The following PPIP5K2 variants were observed in gnomAD, a reference collection of about 807,000 sequenced individuals.
PPIP5K2 encodes the protein inositol hexakisphosphate and diphosphoinositol-pentakisphosphate kinase 2.
Under a neutral mutation model 154.6 loss-of-function variants are expected in PPIP5K2, and 105 were observed. That is an observed-to-expected ratio of 0.68 (90% CI 0.58 to 0.80). PPIP5K2 has a LOEUF of 0.80. Ranked by LOEUF, PPIP5K2 falls within the 30% of genes least tolerant of loss-of-function variation. The pLI is 0.00. For missense variants in PPIP5K2, 992 were observed against 1,504.6 expected (o/e 0.66, Z 5.64); for synonymous variants, 480 against 490.3 (o/e 0.98, Z 0.28).
At chr5:103,137,564 A>C (rs1554204830) in intron 4 of PPIP5K2, among the ~76,000 whole-genome samples, 1 of 152,182 alleles carries the variant, frequency 6.6e-6, no homozygotes, top group African/African-American at 2.4e-5. Flanking sequence ...ATTTCTAATA[A>C]ATTATAAAAT....
chr5:103,137,895 C>A (rs1554204967), intron 4 of PPIP5K2, among the ~76,000 whole-genome samples: 1 of 147,338 alleles, frequency 6.8e-6, no homozygotes, highest in African/African-American at 2.5e-5. Flanking sequence ...TAAAAGCGTA[C>A]CGAAAGCCAT....
intron 8 of PPIP5K2, among the ~76,000 whole-genome samples, chr5:103,150,794 A>G (rs1794513460): frequency 6.7e-6 from 1 of 150,298 alleles, no homozygotes; most frequent in Admixed American, 6.6e-5. Flanking sequence ...ACAGATCACA[A>G]GATTTCCTCT....
intron 24 of PPIP5K2, among the ~76,000 whole-genome samples, chr5:103,182,753 A>G (rs1799741409): frequency 6.6e-6 from 1 of 152,110 alleles, no homozygotes; most frequent in Non-Finnish European, 1.5e-5. Flanking sequence ...TAGTTTTCTA[A>G]GTTATGTATA....
chr5:103,185,463 A>G (rs1041132892), intron 26 of PPIP5K2, among the ~76,000 whole-genome samples: 5 of 152,144 alleles, frequency 3.3e-5, no homozygotes, highest in African/African-American at 1.2e-4. Context: ...TGATACCTAC[A>G]TACTTGAGGA....
At chr5:103,173,422 A>G in intron 20 of PPIP5K2, 140 bp downstream of exon 20, 2 of 1,067,292 alleles carry the variant, frequency 1.9e-6, no homozygotes, top group Non-Finnish European at 1.3e-6. Flanking sequence ...AGGTATTTCT[A>G]TTAAGTTCCA....
Position 103,133,291 on chromosome 5 carries a change from A to T in PPIP5K2, c.115-162A>T, listed in dbSNP as rs1198490066. 4.6e-5 allele frequency among the ~76,000 whole-genome samples: 7 copies of T among 152,202 alleles called. No homozygotes were observed. The East Asian group carries it at 1.3e-3, about 29-fold the overall frequency. On this transcript the variant is annotated intron_variant, in intron 2 of 30. Coordinates refer to ENST00000358359, the MANE Select transcript of PPIP5K2 (RefSeq NM_001276277.3). Reference sequence around the variant, plus strand: ...GTAGAAAACTGTTTTTTAAATGTTTATTATAACAATGATATAATTTTTAAA... The same window carrying T: ...GTAGAAAACTGTTTTTTAAATGTTTTTTATAACAATGATATAATTTTTAAA...
rs1216106350 is a variant in PPIP5K2, at chr5:103,211,060, A to C, written c.*9426A>C. 6.6e-6 allele frequency: 1 copy of C among 152,108 alleles called. No individual in the cohort carries two copies. The highest frequency in any genetic ancestry group is 6.6e-5 in the Admixed American group (1 of 15,256). The allele number at this position is 152,108 out of a possible 1,614,324, so 9.4% of individuals were successfully genotyped here. ...AGGATGTGTTTCGTGTTCCCACTGC[A>C]TATGCATTATTACCCTTGTCTGAGT... On this transcript the variant is annotated 3_prime_UTR_variant, in exon 31 of 31. Coordinates refer to ENST00000358359, the MANE Select transcript of PPIP5K2 (RefSeq NM_001276277.3).
chr5:103,183,297 G>T lies in PPIP5K2; in HGVS notation c.2986G>T (p.Gly996Cys). The T allele has an allele frequency of 6.3e-7, 1 of 1,596,328 alleles. No individual in the cohort carries two copies. Among genetic ancestry groups the T allele is most frequent in the Non-Finnish European group, 8.5e-7 (1 of 1,174,176 alleles). ...TGGTACCTGGCTGCATTATACCAGT[G>T]GTGTGGGTACTGGGCGTCGAAGACG... ...GTGTWLHYTS[G>C]VGTGRRRRRS... Residue 996 changes from glycine (G) to cysteine (C), a missense_variant, in exon 25 of 31, where the codon GGT becomes TGT. Gly to Cys is a radical substitution (Grantham distance 159). Coordinates refer to ENST00000358359, the MANE Select transcript of PPIP5K2 (RefSeq NM_001276277.3).
chr5:103,133,598 C>A lies in PPIP5K2; in HGVS notation c.260C>A (p.Pro87Gln), dbSNP rs367619357. ...VFEEEVILNE[P>Q]VENWPLCDCL... The stretch of plus-strand genomic sequence containing the variant: ...GAAGAGGAGGTTATTTTGAATGAAC[C>A]AGTGGAAAACTGGCCTTTATGTGAT... Residue 87 changes from proline to glutamine, a missense_variant, in exon 3 of 31, where the codon CCA becomes CAA. Pro to Gln is a moderately conservative substitution (Grantham distance 76). Coordinates refer to ENST00000358359, the MANE Select transcript of PPIP5K2 (RefSeq NM_001276277.3). 2 of 1,611,354 alleles carry A rather than the reference C, an allele frequency of 1.2e-6. No individual in the cohort carries two copies. Among genetic ancestry groups the A allele is most frequent in the East Asian group, 4.5e-5 (2 of 44,664 alleles).
chr5:103,179,610 A>G (rs1554221945), intron 23 of PPIP5K2, among the ~76,000 whole-genome samples: 4 of 152,120 alleles, frequency 2.6e-5, no homozygotes, highest in Non-Finnish European at 5.9e-5. Context: ...AAATATTCTA[A>G]AATATATAAA....
chr5:103,155,532 G>A (rs1373779059), intron 13 of PPIP5K2, among the ~76,000 whole-genome samples: 2 of 139,172 alleles, frequency 1.4e-5, no homozygotes, highest in Non-Finnish European at 3.0e-5. Flanking sequence ...AGTTCAAGCA[G>A]TTCTCATGCC....
At chr5:103,176,585 G>A (rs1798748727) in intron 21 of PPIP5K2, among the ~76,000 whole-genome samples, 1 of 151,808 alleles carries the variant, frequency 6.6e-6, no homozygotes, top group Admixed American at 6.6e-5. Flanking sequence ...TTTAAAACAA[G>A]GTGCATTCTG....
rs782552805 is a variant in PPIP5K2 at position 103,128,812 on chromosome 5, A to G, written c.-284-494A>G. Reference sequence around the variant, plus strand: ...TTTTTGTTCATTTATGTATGAGACCAGAATATAGAATTGTTATGTTCCCTA... The same window carrying G: ...TTTTTGTTCATTTATGTATGAGACCGGAATATAGAATTGTTATGTTCCCTA... On this transcript the variant is annotated intron_variant, in intron 1 of 30. Coordinates refer to ENST00000358359, the MANE Select transcript of PPIP5K2 (RefSeq NM_001276277.3). 3.9e-5 allele frequency among the ~76,000 whole-genome samples: 6 copies of G among 152,316 alleles called. No homozygotes were observed. The East Asian group carries it at 7.7e-4, about 20-fold the overall frequency.
At chr5:103,149,999 C>T (rs1794378568) in intron 8 of PPIP5K2, among the ~76,000 whole-genome samples, 1 of 151,872 alleles carries the variant, frequency 6.6e-6, no homozygotes, top group South Asian at 2.1e-4. Flanking sequence ...CCGGCCAAAA[C>T]CATTTCTTGA....
chr5:103,177,962 T>C lies in PPIP5K2; in HGVS notation c.2736T>C (p.Tyr912=). ...EDKNLPSGYG[Y]RPASRENEGR... Reference sequence around the variant, plus strand: ...AAAATTTGCCATCTGGCTATGGATATAGACCAGCTTCCAGAGAGGTAATGA... The same window carrying C: ...AAAATTTGCCATCTGGCTATGGATACAGACCAGCTTCCAGAGAGGTAATGA... Residue 912 remains tyrosine (Y), a synonymous_variant, in exon 23 of 31, where the codon TAT becomes TAC. Coordinates refer to ENST00000358359, the MANE Select transcript of PPIP5K2 (RefSeq NM_001276277.3). 1 of 1,602,142 alleles carries C rather than the reference T, an allele frequency of 6.2e-7. No homozygotes were observed. Among genetic ancestry groups the C allele is most frequent in the African/African-American group, 1.3e-5 (1 of 74,716 alleles).
At chr5:103,123,960 T>C (rs982534389) in intron 1 of PPIP5K2, among the ~76,000 whole-genome samples, 1 of 152,178 alleles carries the variant, frequency 6.6e-6, no homozygotes, top group Admixed American at 6.5e-5. Context: ...CCATTTTGAA[T>C]GTCCTGCATC....
In PPIP5K2 at chr5:103,167,233, C is replaced by T; in HGVS notation, c.1975C>T (p.Pro659Ser). ...LIKSMHLIKN[P>S]VKTCDKVYSL... The stretch of plus-strand genomic sequence containing the variant: ...CAAATCAATGCATTTAATTAAAAAC[C>T]CTGTGAAGACCTGTGATAAAGTTTA... Residue 659 changes from proline (P) to serine (S), a missense_variant, in exon 18 of 31, where the codon CCT (proline) becomes TCT (serine). Coordinates refer to ENST00000358359, the MANE Select transcript of PPIP5K2 (RefSeq NM_001276277.3). The T allele has an allele frequency of 6.3e-7, 1 of 1,590,988 alleles. No individual in the cohort carries two copies. The highest frequency in any genetic ancestry group is 1.1e-5 in the South Asian group (1 of 87,240).
chr5:103,183,694 T>G (rs1799927654), intron 25 of PPIP5K2, among the ~76,000 whole-genome samples: 1 of 152,282 alleles, frequency 6.6e-6, no homozygotes, highest in African/African-American at 2.4e-5. Flanking sequence ...GTTAATAAAA[T>G]TATTTAAAAA....
At position 103,167,297 on chromosome 5, in the gene PPIP5K2, G is replaced by A. The variant is rs1444340053; in HGVS notation, c.2039G>A (p.Arg680Gln). 3.0e-5 allele frequency: 48 copies of A among 1,586,102 alleles called. No homozygotes were observed. The highest frequency in any genetic ancestry group is 3.7e-5 in the Non-Finnish European group (43 of 1,167,222). The change falls in exon 18 of 31, where the codon CGA (arginine) becomes CAA (glutamine). Residue 680 changes from arginine (R) to glutamine (Q), a missense_variant. Around this residue, in one of 9 missense-constraint regions of PPIP5K2, gnomAD observed 82 missense variants for 91.8 expected, o/e 0.89. Coordinates refer to ENST00000358359, the MANE Select transcript of PPIP5K2 (RefSeq NM_001276277.3). ...AGTTTGACTTCTCAAATCAGACATC[G>A]AATGGAAGATCCTAAATCATCAGGT... Reference protein sequence around the residue: ...IQSLTSQIRHRMEDPKSSDIQ... With the variant: ...IQSLTSQIRHQMEDPKSSDIQ...
Sources: allele counts gnomAD v4.1 joint callset (sites outside exome capture counted in the v4.1 genomes callset), GRCh38; gene constraint gnomAD v4.1.1; regional missense constraint gnomAD v4.1.1; transcripts MANE v1.5; gene names NCBI Gene and HGNC (gene_info 2026-07-23, HGNC 2026-07-21).